The following DOCK8 variants were observed in gnomAD, a reference collection of about 807,000 sequenced individuals.
DOCK8 encodes dedicator of cytokinesis 8.
A neutral mutation model predicts 245.6 loss-of-function variants in DOCK8; 141 were observed. That is an observed-to-expected ratio of 0.57 (90% confidence interval 0.50 to 0.66). DOCK8 has a LOEUF of 0.66. DOCK8 is among the 30% of genes least tolerant of loss of function. The pLI is 0.00. For missense variants in DOCK8, 2,965 were observed against 2,603.4 expected (o/e 1.14, Z -3.02); for synonymous variants, 1,168 against 970.2 (o/e 1.20, Z -3.79).
chr9:390,684 A>G (rs2054152598), intron 24 of DOCK8, 118 bp downstream of exon 24: 1 of 899,256 alleles, frequency 1.1e-6, no homozygotes, highest in Admixed American at 2.0e-5. Context: ...TGGTTTCTTG[A>G]AATCTAATAA....
intron 28 of DOCK8, among the ~76,000 whole-genome samples, chr9:411,254 A>ACTTTTTTTGTAAGAGAC (rs2055711721): frequency 6.6e-6 from 1 of 152,130 alleles, no homozygotes; most frequent in Admixed American, 6.6e-5. Flanking sequence ...CTCTACTAAA[A>ACTTTTTTTGTAAGAGAC]ATACAAAAAT....
intron 33 of DOCK8, among the ~76,000 whole-genome samples, chr9:425,382 A>G (rs1032075335): frequency 1.6e-4 from 24 of 152,094 alleles, no homozygotes; most frequent in South Asian, 4.2e-4. Context: ...AATACAAAAA[A>G]GTAGCCGGGC....
intron 46 of DOCK8, among the ~76,000 whole-genome samples, chr9:458,816 A>G (rs1252876227): frequency 6.6e-6 from 1 of 152,098 alleles, no homozygotes; most frequent in Non-Finnish European, 1.5e-5. Context: ...CTCTCTAAAA[A>G]TAGAGGGGGT....
intron 17 of DOCK8, 133 bp from the exon 18 acceptor site, chr9:372,052 A>C (rs2053309465): frequency 1.3e-6 from 1 of 794,302 alleles, no homozygotes; most frequent in East Asian, 2.7e-5. Context: ...ACTGGACAGA[A>C]ATTACTGCCA....
intron 2 of DOCK8, among the ~76,000 whole-genome samples, chr9:275,334 G>C (rs181309871): frequency 3.5e-4 from 54 of 152,278 alleles, no homozygotes; most frequent in Non-Finnish European, 1.6e-4. Flanking sequence ...GAATATACTG[G>C]CTTCAAAAGT....
rs1420513142 is a variant in DOCK8 at position 312,159 on chromosome 9, T to A, written c.734T>A (p.Val245Glu). The change falls in exon 6 of 48, where the codon GTG becomes GAG. Residue 245 changes from valine (V) to glutamate (E), a missense_variant. Physicochemically the swap from Val to Glu is moderately radical, Grantham distance 121. Transcript: ENST00000432829. ...GAGCTCTTTGCCCTTTACCCATCAG[T>A]GGACGAGGTGGGTGCCACTGTTTCC... ...QAELFALYPS[V>E]DEEDAVEIRP... The A allele has an allele frequency of 1.2e-6, 2 of 1,614,154 alleles. No homozygotes were observed. Among genetic ancestry groups the A allele is most frequent in the Non-Finnish European group, 1.7e-6 (2 of 1,179,990 alleles).
intron 25 of DOCK8, 36 bp from the exon 26 acceptor site, chr9:399,110 C>A (rs759341930): frequency 1.3e-6 from 2 of 1,589,396 alleles, no homozygotes; most frequent in African/African-American, 1.3e-5. Flanking sequence ...TCCAGAGTGT[C>A]CCACAAAATG....
At chr9:310,084 A>G (rs1469746928) in intron 5 of DOCK8, among the ~76,000 whole-genome samples, 2 of 151,988 alleles carry the variant, frequency 1.3e-5, no homozygotes, top group Admixed American at 6.6e-5. Context: ...CCTGGCCAAC[A>G]TGGTGAAACC....
intron 44 of DOCK8, among the ~76,000 whole-genome samples, chr9:448,386 G>T (rs904424199): frequency 6.6e-6 from 1 of 152,194 alleles, no homozygotes; most frequent in Non-Finnish European, 1.5e-5. Flanking sequence ...GGGATTACAA[G>T]TGTGAGCCAC....
chr9:240,973 A>G (rs1375153561), intron 1 of DOCK8, among the ~76,000 whole-genome samples: 2 of 152,180 alleles, frequency 1.3e-5, no homozygotes, highest in African/African-American at 4.8e-5. Flanking sequence ...TATCTTTTAG[A>G]AAAGGGAAAA....
At chr9:446,295 A>G in intron 43 of DOCK8, 75 bp from the exon 44 acceptor site, 2 of 1,224,028 alleles carry the variant, frequency 1.6e-6, no homozygotes, top group East Asian at 2.3e-5. Context: ...GTGTTCCTGC[A>G]TGCCCCTCCA....
intron 2 of DOCK8, among the ~76,000 whole-genome samples, chr9:283,563 T>G (rs1563873202): frequency 6.6e-6 from 1 of 152,088 alleles, no homozygotes; most frequent in Non-Finnish European, 1.5e-5. Context: ...TCTTCCCACC[T>G]CTCCAAGCCT....
At chr9:430,218 T>C (rs1325676653) in intron 36 of DOCK8, among the ~76,000 whole-genome samples, 2 of 149,914 alleles carry the variant, frequency 1.3e-5, no homozygotes, top group African/African-American at 2.5e-5. Flanking sequence ...CTACTATAAA[T>C]ACAAAAATAG....
intron 2 of DOCK8, among the ~76,000 whole-genome samples, chr9:278,627 C>G (rs2048453365): frequency 6.6e-6 from 1 of 152,206 alleles, no homozygotes; most frequent in Non-Finnish European, 1.5e-5. Context: ...AGGCCTCTAT[C>G]TAGAAAGGAG....
intron 2 of DOCK8, among the ~76,000 whole-genome samples, chr9:277,476 GAAGAGAAGAGAAGAC>G (rs1286114104): frequency 6.9e-6 from 1 of 145,984 alleles, no homozygotes; most frequent in Non-Finnish European, 1.5e-5. Context: ...GAAGAGAAGA[GAAGAGAAGAGAAGAC>G]ATACAAAAGA....
intron 1 of DOCK8, among the ~76,000 whole-genome samples, chr9:265,497 A>G (rs2048016086): frequency 6.6e-6 from 1 of 152,198 alleles, no homozygotes; most frequent in South Asian, 2.1e-4. Context: ...GTTCGTTACC[A>G]AGAGTAAATT....
chr9:261,820 T>C (rs1394435003), intron 1 of DOCK8, among the ~76,000 whole-genome samples: 1 of 152,202 alleles, frequency 6.6e-6, no homozygotes, highest in Admixed American at 6.5e-5. Flanking sequence ...CCTGGTGGAT[T>C]GCCCTTTGAT....
intron 24 of DOCK8, among the ~76,000 whole-genome samples, chr9:392,597 C>T (rs2054248986): frequency 6.6e-6 from 1 of 152,238 alleles, no homozygotes; most frequent in South Asian, 2.1e-4. Flanking sequence ...TACACCACCT[C>T]TGTTCTGTGA....
chr9:359,897 G>A (rs1216034837), intron 14 of DOCK8, among the ~76,000 whole-genome samples: 3 of 151,892 alleles, frequency 2.0e-5, no homozygotes, highest in Non-Finnish European at 4.4e-5. Context: ...TTGTTTGGCT[G>A]AAAGAGCTTA....
Sources: allele counts gnomAD v4.1 joint callset (sites outside exome capture counted in the v4.1 genomes callset), GRCh38; gene constraint gnomAD v4.1.1; transcripts MANE v1.5; gene names NCBI Gene and HGNC (gene_info 2026-07-23, HGNC 2026-07-21).